PPAT: variants seen among roughly 807,000 people sequenced by gnomAD.
PPAT encodes amidophosphoribosyltransferase.
Under a neutral mutation model 60.2 loss-of-function variants are expected in PPAT, and 20 were observed. That is an observed-to-expected ratio of 0.33 (90% CI 0.23 to 0.48). The LOEUF (loss-of-function observed/expected upper bound fraction) is 0.48. Among genes scored for constraint, PPAT ranks in the 20% least tolerant of loss-of-function variants. PPAT has a pLI of 0.99. For synonymous variants in PPAT, 194 were observed against 215.1 expected (o/e 0.90, Z 0.86); for missense variants, 349 against 629.6 (o/e 0.55, Z 4.77).
rs545342593 is a variant in PPAT, at chr4:56,424,341, C to T, written c.128+11009G>A. ...GCAGGTTGGAGTCAGTTCAGGCACC[C>T]GTATTTTTAGACGGTTCTCAAGCAT... is the stretch of plus-strand genomic sequence containing the variant. On this transcript the variant is annotated intron_variant, in intron 1 of 10. Coordinates refer to ENST00000264220, the MANE Select transcript of PPAT (RefSeq NM_002703.5). Among the ~76,000 whole-genome samples the T allele has an allele frequency of 3.9e-5, 6 of 152,196 alleles. No homozygotes were observed. The East Asian group carries it at 7.7e-4, about 20-fold the overall frequency.
chr4:56,427,396 A>C (rs1717345102), intron 1 of PPAT, among the ~76,000 whole-genome samples: 1 of 152,210 alleles, frequency 6.6e-6, no homozygotes, highest in Non-Finnish European at 1.5e-5. Flanking sequence ...GTCATATGGC[A>C]TATGCTGAAA....
chr4:56,394,659 TA>T lies in PPAT; in HGVS notation c.*692del, dbSNP rs1348651838. 1.3e-5 allele frequency: 2 copies of T among 152,168 alleles called. No homozygotes were observed. The highest frequency in any genetic ancestry group is 4.8e-5 in the African/African-American group (2 of 41,438). The allele number at this position is 152,168 out of a possible 1,614,324, so 9.4% of individuals were successfully genotyped here. A position where few individuals can be genotyped will look rare whatever the true frequency, so the allele number is the denominator to read the frequency against. On this transcript the variant is annotated 3_prime_UTR_variant, in exon 11 of 11. Transcript: ENST00000264220. ...CTGCCAATTATGTCTCCTTCCATCA[TA>T]ATGAAATCTTAATTAATTGTAAACT... is the stretch of plus-strand genomic sequence containing the variant.
chr4:56,431,195 T>C (rs1042275134), intron 1 of PPAT, among the ~76,000 whole-genome samples: 12 of 152,204 alleles, frequency 7.9e-5, no homozygotes, highest in Admixed American at 7.2e-4. Context: ...TATAGGAATG[T>C]TACATATTTG....
intron 1 of PPAT, among the ~76,000 whole-genome samples, chr4:56,419,009 T>C (rs1188873641): frequency 6.6e-6 from 1 of 152,234 alleles, no homozygotes; most frequent in Non-Finnish European, 1.5e-5. Flanking sequence ...TAAGCACTGA[T>C]TGTTCTGTGT....
In PPAT at chr4:56,394,079, C is replaced by G. The variant is rs1715902493; in HGVS notation, c.*1273G>C. The stretch of plus-strand genomic sequence containing the variant: ...TCAAATTATGGTAACATAACAGAAA[C>G]AAACACTTTTATGTTTAAAAATTCT... On this transcript the variant is annotated 3_prime_UTR_variant, in exon 11 of 11. Coordinates refer to ENST00000264220, the MANE Select transcript of PPAT (RefSeq NM_002703.5). 1.3e-5 allele frequency: 2 copies of G among 152,250 alleles called. No individual in the cohort carries two copies. The highest frequency in any genetic ancestry group is 2.9e-5 in the Non-Finnish European group (2 of 68,004). 9.4% of individuals were successfully genotyped at this position (152,250 alleles called of 1,614,324 possible). A position where few individuals can be genotyped will look rare whatever the true frequency, so the allele number is the denominator to read the frequency against.
chr4:56,398,595 G>A (rs1438476964), intron 9 of PPAT, among the ~76,000 whole-genome samples: 1 of 149,354 alleles, frequency 6.7e-6, no homozygotes, highest in East Asian at 2.0e-4. Flanking sequence ...AATTACAGGT[G>A]TGTGCCACCA....
intron 1 of PPAT, chr4:56,416,365 T>C (rs191162828): frequency 4.1e-5 from 35 of 851,584 alleles, no homozygotes; most frequent in Non-Finnish European, 4.8e-5. Context: ...AAATGTCAAT[T>C]GCATCAGTAG....
chr4:56,419,082 TCA>T (rs1716913342), intron 1 of PPAT, among the ~76,000 whole-genome samples: 1 of 152,214 alleles, frequency 6.6e-6, no homozygotes. Flanking sequence ...CACATTAGAT[TCA>T]CAGTCTGGGG....
At chr4:56,429,772 C>T (rs1475074861) in intron 1 of PPAT, among the ~76,000 whole-genome samples, 3 of 152,144 alleles carry the variant, frequency 2.0e-5, no homozygotes, top group Non-Finnish European at 4.4e-5. Context: ...ACCCTAAAAG[C>T]CTCCCAGTCA....
chr4:56,402,251 A>T (rs1578114955), intron 5 of PPAT, 70 bp from the exon 6 acceptor site: 1 of 1,100,432 alleles, frequency 9.1e-7, no homozygotes, highest in East Asian at 2.4e-5. Context: ...TGGAACAGCT[A>T]ACACTAAATA....
intron 3 of PPAT, chr4:56,404,199 G>A (rs1443867406): frequency 3.8e-6 from 1 of 265,196 alleles, no homozygotes; most frequent in East Asian, 8.4e-5. Flanking sequence ...AAGGCAAGCA[G>A]ACCTGAAAGT....
At chr4:56,410,319 G>C (rs779307859) in intron 1 of PPAT, among the ~76,000 whole-genome samples, 27 of 152,168 alleles carry the variant, frequency 1.8e-4, no homozygotes, top group Non-Finnish European at 2.8e-4. Context: ...ATATAGTTAA[G>C]AATCATTTAG....
chr4:56,394,085 C>CT lies in PPAT; in HGVS notation c.*1266dup, dbSNP rs1205097694. 16 of 152,268 alleles carry CT rather than the reference C, an allele frequency of 1.1e-4. No individual in the cohort carries two copies. The highest frequency in any genetic ancestry group is 3.9e-4 in the African/African-American group (16 of 41,558). The allele number at this position is 152,268 out of a possible 1,614,324, so 9.4% of individuals were successfully genotyped here. A position where few individuals can be genotyped will look rare whatever the true frequency, so the allele number is the denominator to read the frequency against. ...TATGGTAACATAACAGAAACAAACA[C>CT]TTTTATGTTTAAAAATTCTTACATA... is the stretch of plus-strand genomic sequence containing the variant. On this transcript the variant is annotated 3_prime_UTR_variant, in exon 11 of 11. Transcript: ENST00000264220.
intron 1 of PPAT, chr4:56,420,801 C>T (rs1490231287): frequency 6.6e-6 from 1 of 152,098 alleles, no homozygotes; most frequent in Non-Finnish European, 1.5e-5. Flanking sequence ...TCATAAATGT[C>T]TTTAAAGTAT....
intron 1 of PPAT, among the ~76,000 whole-genome samples, chr4:56,415,702 CTT>C (rs1716694236): frequency 6.6e-6 from 1 of 152,158 alleles, no homozygotes; most frequent in African/African-American, 2.4e-5. Flanking sequence ...AGGACCTACT[CTT>C]TTACATTACT....
intron 1 of PPAT, chr4:56,414,103 T>C (rs1346429324): frequency 1.3e-5 from 2 of 152,214 alleles, no homozygotes; most frequent in Non-Finnish European, 2.9e-5. Context: ...TTATGATTTA[T>C]TTGATCTGCA....
intron 9 of PPAT, among the ~76,000 whole-genome samples, chr4:56,398,214 C>T (rs572025038): frequency 6.6e-6 from 1 of 152,080 alleles, no homozygotes; most frequent in Non-Finnish European, 1.5e-5. Context: ...GCTAAAAATA[C>T]AAAAATTAGC....
rs1354147730 is a variant in PPAT at position 56,393,375 on chromosome 4, A to T, written c.*1977T>A. The stretch of plus-strand genomic sequence containing the variant: ...AGGACACACATATTTAAACATACTT[A>T]TTACACATATTTATCAACAAGGCAT... On this transcript the variant is annotated 3_prime_UTR_variant, in exon 11 of 11. Transcript: ENST00000264220. 1 of 151,992 alleles carries T rather than the reference A, an allele frequency of 6.6e-6. No individual in the cohort carries two copies. Among genetic ancestry groups the T allele is most frequent in the South Asian group, 2.1e-4 (1 of 4,824 alleles). 9.4% of individuals were successfully genotyped at this position (151,992 alleles called of 1,614,324 possible).
Position 56,410,936 on chromosome 4 carries a change from A to G in PPAT, c.129-3220T>C. The G allele has an allele frequency of 7.5e-6, 7 of 934,304 alleles. No homozygotes were observed. The South Asian group carries it at 3.0e-4, about 40-fold the overall frequency. 57.9% of individuals were successfully genotyped at this position (934,304 alleles called of 1,614,324 possible). A position where few individuals can be genotyped will look rare whatever the true frequency, so the allele number is the denominator to read the frequency against. ...AAAAAAAAAAAAAAAAAAGAAAAGTACTCTTGTTTTTCTTTTGTTTTACAG... is the reference window on the plus strand; with the variant it reads ...AAAAAAAAAAAAAAAAAAGAAAAGTGCTCTTGTTTTTCTTTTGTTTTACAG... On this transcript the variant is annotated intron_variant, in intron 1 of 10. Coordinates refer to ENST00000264220, the MANE Select transcript of PPAT (RefSeq NM_002703.5).
Sources: gnomAD v4.1 joint callset for allele counts (sites outside exome capture counted in the v4.1 genomes callset) on GRCh38, gnomAD v4.1.1 for gene constraint, MANE v1.5 for transcripts, NCBI Gene and HGNC (gene_info 2026-07-23, HGNC 2026-07-21) for gene names.